Variants in SUMF1 observed in about 807,000 individuals in gnomAD.
SUMF1 encodes formylglycine-generating enzyme.
In SUMF1, 48 loss-of-function variants were observed where a neutral mutation model predicts 47.6. That is an observed-to-expected ratio of 1.01 (90% CI 0.80 to 1.28). The LOEUF (loss-of-function observed/expected upper bound fraction) is 1.28. SUMF1 is among the 50% of genes most tolerant of loss of function. SUMF1 has a pLI of 0.00. For missense variants in SUMF1, 571 were observed against 485.4 expected (o/e 1.18, Z -1.66); for synonymous variants, 230 against 192.1 (o/e 1.20, Z -1.63).
intron 7 of SUMF1, among the ~76,000 whole-genome samples, chr3:4,376,726 A>G (rs1273463924): frequency 6.6e-6 from 1 of 152,176 alleles, no homozygotes; most frequent in Non-Finnish European, 1.5e-5. Flanking sequence ...CATGATGCAA[A>G]TTTATCCTGT....
rs115588797 is a variant in SUMF1, at chr3:4,167,727, C to G, written c.1015-98982G>C. Among the ~76,000 whole-genome samples the G allele has an allele frequency of 4.4e-3, 663 of 152,300 alleles. 4 individuals are homozygous for G. The highest frequency in any genetic ancestry group is 7.6e-3 in the Admixed American group (117 of 15,306). On this transcript the variant is annotated intron_variant and NMD_transcript_variant, in intron 8 of 12. Transcript: ENST00000448413. ...CTCAGACAATACACCCTGCCTATTT[C>G]TTCTGCAAGGAGCACAGCAGAAAGG...
chr3:4,243,935 G>A (rs1050802452), intron 8 of SUMF1, among the ~76,000 whole-genome samples: 1 of 152,004 alleles, frequency 6.6e-6, no homozygotes, highest in African/African-American at 2.4e-5. Flanking sequence ...TATGAATCGG[G>A]GTGCTCCTGT....
chr3:4,302,720 T>C (rs1029027445), intron 8 of SUMF1, among the ~76,000 whole-genome samples: 1 of 152,064 alleles, frequency 6.6e-6, no homozygotes. Flanking sequence ...AGCAGGACAA[T>C]CATGTCAGAG....
chr3:4,173,978 G>A (rs369165169), intron 8 of SUMF1, among the ~76,000 whole-genome samples: 10 of 152,228 alleles, frequency 6.6e-5, no homozygotes, highest in African/African-American at 2.2e-4. Context: ...GTATACCTAT[G>A]TAACAAACCT....
intron 8 of SUMF1, among the ~76,000 whole-genome samples, chr3:4,100,806 C>T (rs1693014543): frequency 6.6e-6 from 1 of 151,816 alleles, no homozygotes; most frequent in South Asian, 2.1e-4. Flanking sequence ...TACCCAATAA[C>T]AAGAAAACAA....
intron 8 of SUMF1, among the ~76,000 whole-genome samples, chr3:4,306,174 A>C (rs913506533): frequency 6.6e-6 from 1 of 152,174 alleles, no homozygotes; most frequent in Non-Finnish European, 1.5e-5. Flanking sequence ...CTATTCTATA[A>C]ATCTGTTTCC....
chr3:4,131,402 G>A (rs907510083), intron 8 of SUMF1, among the ~76,000 whole-genome samples: 3 of 152,118 alleles, frequency 2.0e-5, no homozygotes, highest in Non-Finnish European at 2.9e-5. Context: ...AGAAGACTAG[G>A]CCCTGGTTCT....
intron 3 of SUMF1, among the ~76,000 whole-genome samples, chr3:4,426,469 C>A (rs747669201): frequency 4.6e-5 from 7 of 152,200 alleles, no homozygotes; most frequent in Non-Finnish European, 7.3e-5. Context: ...TTTTCCTTTT[C>A]CAAGTGTCAC....
intron 8 of SUMF1, among the ~76,000 whole-genome samples, chr3:4,087,094 C>T (rs754160382): frequency 3.9e-5 from 6 of 152,094 alleles, no homozygotes; most frequent in East Asian, 1.9e-4. Flanking sequence ...TTCCAAAGAG[C>T]GATCACTAAA....
chr3:4,253,162 T>C (rs1283244937), intron 8 of SUMF1, among the ~76,000 whole-genome samples: 2 of 152,236 alleles, frequency 1.3e-5, no homozygotes, highest in East Asian at 3.8e-4. Context: ...TGGTTCACTT[T>C]CCATCTCTTG....
At chr3:4,382,871 G>A (rs1700552085) in intron 7 of SUMF1, among the ~76,000 whole-genome samples, 3 of 152,114 alleles carry the variant, frequency 2.0e-5, no homozygotes, top group Non-Finnish European at 4.4e-5. Context: ...GTTGAACAAT[G>A]AGAACACATG....
Position 4,152,793 on chromosome 3 carries a change from T to C in SUMF1, c.1015-84048A>G, listed in dbSNP as rs1016783348. On this transcript the variant is annotated intron_variant and NMD_transcript_variant, in intron 8 of 12. Transcript: ENST00000448413. ...CCCACCTTCTGCACCCAACCCCACCTCTCAAACAAAACCCCAGACACTTAA... is the reference window on the plus strand; with the variant it reads ...CCCACCTTCTGCACCCAACCCCACCCCTCAAACAAAACCCCAGACACTTAA... 1.1e-4 allele frequency among the ~76,000 whole-genome samples: 17 copies of C among 151,524 alleles called. No homozygotes were observed. In the East Asian group the frequency reaches 3.3e-3, roughly 29 times the overall value.
At chr3:4,381,903 G>A (rs375055298) in intron 7 of SUMF1, among the ~76,000 whole-genome samples, 40 of 152,132 alleles carry the variant, frequency 2.6e-4, no homozygotes, top group Middle Eastern at 6.8e-3. Flanking sequence ...AAAATTAGCC[G>A]GGCGTGGTGG....
chr3:4,180,064 G>A (rs948682773), intron 8 of SUMF1, among the ~76,000 whole-genome samples: 1 of 152,134 alleles, frequency 6.6e-6, no homozygotes, highest in Non-Finnish European at 1.5e-5. Context: ...GAGAGGATGT[G>A]GAGAAATAGG....
chr3:4,219,388 A>G (rs1696012729), intron 8 of SUMF1, among the ~76,000 whole-genome samples: 1 of 152,180 alleles, frequency 6.6e-6, no homozygotes, highest in South Asian at 2.1e-4. Flanking sequence ...TATATAGCTC[A>G]TAAGTGGATG....
chr3:4,344,271 A>T (rs1456996171), intron 8 of SUMF1, among the ~76,000 whole-genome samples: 2 of 152,142 alleles, frequency 1.3e-5, no homozygotes, highest in African/African-American at 4.8e-5. Flanking sequence ...GGGAAGGGGA[A>T]CCCCCATTGG....
In SUMF1 at chr3:4,073,924, G is replaced by A. The variant is rs529454698; in HGVS notation, c.1015-5179C>T. On this transcript the variant is annotated intron_variant and NMD_transcript_variant, in intron 8 of 12. Transcript: ENST00000448413. ...AACAATCCACTGTCAATATTAGACA[G>A]ATCAAGGAGACAGAAAATTAACAAG... 3.3e-5 allele frequency among the ~76,000 whole-genome samples: 5 copies of A among 152,290 alleles called. No individual in the cohort carries two copies. The East Asian group carries it at 7.7e-4, about 23-fold the overall frequency.
At position 4,217,449 on chromosome 3, in the gene SUMF1, C is replaced by T. The variant is rs541983292; in HGVS notation, c.1015-148704G>A. Among the ~76,000 whole-genome samples, 14 of 135,316 alleles carry T rather than the reference C, an allele frequency of 1.0e-4. No homozygotes were observed. The South Asian group carries it at 3.5e-3, about 34-fold the overall frequency. 88.8% of individuals were successfully genotyped at this position (135,316 alleles called of 152,430 possible). A position where few individuals can be genotyped will look rare whatever the true frequency, so the allele number is the denominator to read the frequency against. ...TGATGGGTGCAGCAAACCACCATGG[C>T]ACATGTATACCTATGTAACAAAACT... On this transcript the variant is annotated intron_variant and NMD_transcript_variant, in intron 8 of 12. Coordinates refer to the SUMF1 transcript ENST00000448413.
intron 8 of SUMF1, among the ~76,000 whole-genome samples, chr3:4,284,806 G>C (rs1339665959): frequency 1.3e-5 from 2 of 152,008 alleles, no homozygotes; most frequent in African/African-American, 4.8e-5. Context: ...ATTATCTGTG[G>C]TGCTTGTAAA....
Sources: gnomAD v4.1 joint callset for allele counts (sites outside exome capture counted in the v4.1 genomes callset) on GRCh38, gnomAD v4.1.1 for gene constraint, MANE v1.5 for transcripts, NCBI Gene and HGNC (gene_info 2026-07-23, HGNC 2026-07-21) for gene names.